Variants in NPTN observed in about 807,000 individuals in gnomAD.
NPTN encodes the protein neuroplastin, also known as SDR-1.
A neutral mutation model predicts 42.7 loss-of-function variants in NPTN; 5 were observed. That is an observed-to-expected ratio of 0.12 (90% CI 0.06 to 0.25). The LOEUF (loss-of-function observed/expected upper bound fraction) is 0.25. NPTN is among the 10% of genes least tolerant of loss of function. The probability of loss-of-function intolerance (pLI) is 1.00; values close to 1 mark genes in which losing one functional copy is unlikely to be tolerated. For missense variants in NPTN, 307 were observed against 525.4 expected (o/e 0.58, Z 4.06); for synonymous variants, 180 against 201.9 (o/e 0.89, Z 0.92).
At chr15:73,612,757 A>C (rs957764131) in intron 1 of NPTN, among the ~76,000 whole-genome samples, 2 of 152,196 alleles carry the variant, frequency 1.3e-5, no homozygotes, top group Non-Finnish European at 2.9e-5. Context: ...CGACAGAGCC[A>C]GACTCTGTCT....
intron 4 of NPTN, among the ~76,000 whole-genome samples, chr15:73,586,029 T>A (rs967929672): frequency 3.3e-5 from 5 of 152,246 alleles, no homozygotes; most frequent in Admixed American, 2.0e-4. Context: ...CTCTTGAAAG[T>A]GCTTTTTAGA....
At chr15:73,605,113 A>AGGGG (rs1555410817) in intron 1 of NPTN, among the ~76,000 whole-genome samples, 66 of 132,468 alleles carry the variant, frequency 5.0e-4, no homozygotes, top group Non-Finnish European at 7.7e-4. Context: ...GGGGGGGGGA[A>AGGGG]AAGAATGATC....
chr15:73,577,936 G>C (rs1485685689), intron 4 of NPTN, among the ~76,000 whole-genome samples: 1 of 152,070 alleles, frequency 6.6e-6, no homozygotes, highest in Admixed American at 6.6e-5. Context: ...AGACTGATTT[G>C]AATAGTAATA....
chr15:73,596,938 G>A, intron 2 of NPTN, 84 bp downstream of exon 2: 1 of 1,130,660 alleles, frequency 8.8e-7, no homozygotes, highest in South Asian at 1.5e-5. Context: ...TCATACTGGG[G>A]AAGAGGGAAA....
At chr15:73,575,234 TG>T (rs958419584) in intron 4 of NPTN, among the ~76,000 whole-genome samples, 3 of 152,066 alleles carry the variant, frequency 2.0e-5, no homozygotes, top group Non-Finnish European at 2.9e-5. Flanking sequence ...CTGCCCGCGT[TG>T]GCCTCCCAAA....
intron 1 of NPTN, among the ~76,000 whole-genome samples, chr15:73,618,042 C>T (rs1897946592): frequency 6.6e-6 from 1 of 152,224 alleles, no homozygotes; most frequent in Non-Finnish European, 1.5e-5. Flanking sequence ...CATTTCGTTT[C>T]ACAACGTTTC....
At chr15:73,613,059 T>G (rs1346815378) in intron 1 of NPTN, among the ~76,000 whole-genome samples, 1 of 152,234 alleles carries the variant, frequency 6.6e-6, no homozygotes, top group Non-Finnish European at 1.5e-5. Flanking sequence ...ATTACTCAAC[T>G]TACAGGGAAC....
intron 4 of NPTN, among the ~76,000 whole-genome samples, chr15:73,586,581 C>T (rs1426479970): frequency 6.6e-6 from 1 of 152,180 alleles, no homozygotes; most frequent in African/African-American, 2.4e-5. Context: ...CTTGAATCTG[C>T]ATTTTTAACC....
intron 1 of NPTN, among the ~76,000 whole-genome samples, chr15:73,629,062 C>T (rs1898587978): frequency 1.3e-5 from 2 of 152,182 alleles, no homozygotes; most frequent in Admixed American, 6.5e-5. Context: ...AACACAAAAA[C>T]CCATCTGTAT....
intron 1 of NPTN, among the ~76,000 whole-genome samples, chr15:73,605,104 G>GGGC: frequency 6.8e-6 from 1 of 146,058 alleles, no homozygotes; most frequent in East Asian, 2.0e-4. Context: ...TCTCAAGGGG[G>GGGC]GGGGGGGAAA....
chr15:73,577,049 C>T (rs950665211), intron 4 of NPTN, among the ~76,000 whole-genome samples: 3 of 152,052 alleles, frequency 2.0e-5, no homozygotes, highest in Admixed American at 2.0e-4. Flanking sequence ...TTGGAAGTCC[C>T]CAAACTAATG....
chr15:73,622,310 T>C (rs887183541), intron 1 of NPTN, among the ~76,000 whole-genome samples: 3 of 152,142 alleles, frequency 2.0e-5, no homozygotes, highest in African/African-American at 7.2e-5. Flanking sequence ...GTGTGGTCAA[T>C]CACATCTTCA....
chr15:73,630,462 G>C (rs1595981036), intron 1 of NPTN, among the ~76,000 whole-genome samples: 1 of 152,132 alleles, frequency 6.6e-6, no homozygotes, highest in African/African-American at 2.4e-5. Flanking sequence ...ATTTTACTTG[G>C]AATTGGTCTT....
At chr15:73,575,898 T>G (rs1012535627) in intron 4 of NPTN, among the ~76,000 whole-genome samples, 1 of 152,236 alleles carries the variant, frequency 6.6e-6, no homozygotes, top group African/African-American at 2.4e-5. Flanking sequence ...GTGAAGTGTT[T>G]TCTAGATAGT....
chr15:73,615,369 T>A (rs1361525380), intron 1 of NPTN, among the ~76,000 whole-genome samples: 3 of 152,100 alleles, frequency 2.0e-5, no homozygotes, highest in African/African-American at 7.2e-5. Context: ...GCAAAGTATA[T>A]CATAATTTAA....
chr15:73,580,400 T>TTATATATATAA (rs1196084665), intron 4 of NPTN, among the ~76,000 whole-genome samples: 22 of 104,698 alleles, frequency 2.1e-4, no homozygotes, highest in East Asian at 1.3e-3. Flanking sequence ...AATATATATA[T>TTATATATATAA]TATATATATA....
At chr15:73,604,572 A>G (rs563735170) in intron 1 of NPTN, among the ~76,000 whole-genome samples, 2 of 152,342 alleles carry the variant, frequency 1.3e-5, no homozygotes, top group Admixed American at 1.3e-4. Flanking sequence ...CTGTTAGATG[A>G]GTGAACAGTT....
At position 73,562,069 on chromosome 15, in the gene NPTN, C is replaced by G. The variant is rs1380178856; in HGVS notation, c.1137-99G>C. ...AGGGACTCTTTCACTTACTGCCATCCCTGGTGTAGTGAGAAATTTTGTGGC... is the reference window on the plus strand; with the variant it reads ...AGGGACTCTTTCACTTACTGCCATCGCTGGTGTAGTGAGAAATTTTGTGGC... On this transcript the variant is annotated intron_variant, in intron 7 of 8. Transcript: ENST00000345330. 3 of 864,176 alleles carry G rather than the reference C, an allele frequency of 3.5e-6. No homozygotes were observed. In the Admixed American group the frequency reaches 7.8e-5, roughly 22 times the overall value. The allele number at this position is 864,176 out of a possible 1,614,324, so 53.5% of individuals were successfully genotyped here. A position where few individuals can be genotyped will look rare whatever the true frequency, so the allele number is the denominator to read the frequency against.
At chr15:73,585,739 G>A (rs1443830299) in intron 4 of NPTN, among the ~76,000 whole-genome samples, 1 of 152,190 alleles carries the variant, frequency 6.6e-6, no homozygotes, top group Non-Finnish European at 1.5e-5. Context: ...ATTCCCTCAA[G>A]GTCTACTTCT....
Sources: gnomAD v4.1 joint callset for allele counts (sites outside exome capture counted in the v4.1 genomes callset) on GRCh38, gnomAD v4.1.1 for gene constraint, MANE v1.5 for transcripts, NCBI Gene and HGNC (gene_info 2026-07-23, HGNC 2026-07-21) for gene names.